Variants in KCTD13 observed in about 807,000 individuals in gnomAD.
The protein encoded by KCTD13 is potassium channel tetramerization domain containing 13.
In KCTD13, 15 loss-of-function variants were observed where a neutral mutation model predicts 32.3. That is an observed-to-expected ratio of 0.46 (90% confidence interval 0.31 to 0.71). The LOEUF (loss-of-function observed/expected upper bound fraction) is 0.71, where lower values mean the gene tolerates loss of function less well. Among genes scored for constraint, KCTD13 ranks in the 30% least tolerant of loss-of-function variants. KCTD13 has a pLI of 0.05. For synonymous variants in KCTD13, 189 were observed against 200.1 expected, an observed-to-expected ratio of 0.94 and a Z score of 0.47; for missense variants, 337 against 452.6, an observed-to-expected ratio of 0.74 and a Z score of 2.32.
chr16:29,906,740 T>C lies in KCTD13; in HGVS notation c.*132A>G. On this transcript the variant is annotated 3_prime_UTR_variant, in exon 6 of 6. Coordinates refer to ENST00000568000, the MANE Select transcript of KCTD13 (RefSeq NM_178863.5). ...GGTGGAGAAGGGCCAAAGTGAGCTGTGCCATGCAATGAAGGGACAGAGGAG... is the reference window on the plus strand; with the variant it reads ...GGTGGAGAAGGGCCAAAGTGAGCTGCGCCATGCAATGAAGGGACAGAGGAG... The C allele has an allele frequency of 1.4e-6, 1 of 730,442 alleles. No individual in the cohort carries two copies. Among genetic ancestry groups the C allele is most frequent in the Non-Finnish European group, 2.4e-6 (1 of 422,858 alleles). 45.2% of individuals were successfully genotyped at this position (730,442 alleles called of 1,614,324 possible).
chr16:29,908,190 C>T (rs2068646041), intron 5 of KCTD13, among the ~76,000 whole-genome samples: 1 of 151,964 alleles, frequency 6.6e-6, no homozygotes, highest in African/African-American at 2.4e-5. Context: ...GGGCCAGGGC[C>T]AGCGTGAGAG....
chr16:29,923,415 T>C, intron 1 of KCTD13, 56 bp from the exon 2 acceptor site: 5 of 1,509,526 alleles, frequency 3.3e-6, no homozygotes, highest in Non-Finnish European at 3.6e-6. Flanking sequence ...GACCTGGAGC[T>C]ACTAAATTAA....
At chr16:29,922,760 A>C (rs982199903) in intron 2 of KCTD13, 23 of 389,174 alleles carry the variant, frequency 5.9e-5, no homozygotes, top group Non-Finnish European at 9.1e-6. Flanking sequence ...GGCGGAAGCC[A>C]TGGGAGAATG....
chr16:29,910,566 C>A (rs1342042618), intron 5 of KCTD13, among the ~76,000 whole-genome samples: 2 of 151,986 alleles, frequency 1.3e-5, no homozygotes, highest in Non-Finnish European at 2.9e-5. Flanking sequence ...ACGATGTTGC[C>A]CAGGCTGGTC....
intron 1 of KCTD13, 38 bp downstream of exon 1, chr16:29,925,752 G>T (rs769126474): frequency 2.6e-6 from 4 of 1,562,524 alleles, no homozygotes; most frequent in Middle Eastern, 1.8e-4. Context: ...GGGAGTTGGG[G>T]GTCTGGGGTG....
chr16:29,923,586 G>C (rs1001839537), intron 1 of KCTD13, among the ~76,000 whole-genome samples: 2 of 152,152 alleles, frequency 1.3e-5, no homozygotes, highest in African/African-American at 4.8e-5. Flanking sequence ...TTCCAGCCAG[G>C]CGCGGTGGCT....
intron 1 of KCTD13, among the ~76,000 whole-genome samples, chr16:29,923,808 C>T (rs1279511218): frequency 1.3e-5 from 2 of 151,652 alleles, no homozygotes; most frequent in East Asian, 1.9e-4. Flanking sequence ...GAGCCGAGAT[C>T]GCGCCATTGC....
chr16:29,915,535 G>A lies in KCTD13; in HGVS notation c.415-3486C>T, dbSNP rs146526139. 4.0e-5 allele frequency among the ~76,000 whole-genome samples: 6 copies of A among 151,222 alleles called. No individual in the cohort carries two copies. In the East Asian group the frequency reaches 1.2e-3, roughly 29 times the overall value. On this transcript the variant is annotated intron_variant, in intron 2 of 5. Transcript: ENST00000568000. ...GGCGTGGTGGTGGGCACCTGTAATC[G>A]CAGCTACTCAGGAGGCTGAGACAGG...
Position 29,906,852 on chromosome 16 carries a change from G to T in KCTD13, c.*20C>A. 1 of 1,601,834 alleles carries T rather than the reference G, an allele frequency of 6.2e-7. No individual in the cohort carries two copies. The highest frequency in any genetic ancestry group is 1.3e-5 in the African/African-American group (1 of 74,824). Reference sequence around the variant, plus strand: ...GGACTGGGTCCCAAGGCAAGAGGAAGGCAGGGGGAGGGTCAGAGGTCAGTC... The same window carrying T: ...GGACTGGGTCCCAAGGCAAGAGGAATGCAGGGGGAGGGTCAGAGGTCAGTC... On this transcript the variant is annotated 3_prime_UTR_variant, in exon 6 of 6. Coordinates refer to ENST00000568000, the MANE Select transcript of KCTD13 (RefSeq NM_178863.5).
At position 29,906,713 on chromosome 16, in the gene KCTD13, T is replaced by C. The variant is rs1129700; in HGVS notation, c.*159A>G. The stretch of plus-strand genomic sequence containing the variant: ...CATGTTGTTAGCAATGGGGTTGGGA[T>C]GGGTGGAGAAGGGCCAAAGTGAGCT... On this transcript the variant is annotated 3_prime_UTR_variant, in exon 6 of 6. Transcript: ENST00000568000. 0.51 allele frequency: 349,175 copies of C among 685,202 alleles called. 91,461 individuals carry two copies. The highest frequency in any genetic ancestry group is 0.56 in the Non-Finnish European group (212,827 of 380,624). 42.4% of individuals were successfully genotyped at this position (685,202 alleles called of 1,614,324 possible).
intron 1 of KCTD13, 100 bp downstream of exon 1, chr16:29,925,690 G>C: frequency 8.5e-7 from 1 of 1,175,552 alleles, no homozygotes; most frequent in Non-Finnish European, 1.2e-6. Context: ...GGACAGTAGC[G>C]GGCAGAGAGA....
At position 29,911,168 on chromosome 16, in the gene KCTD13, G is replaced by A; in HGVS notation, c.563C>T (p.Ser188Leu). 2 of 1,613,862 alleles carry A rather than the reference G, an allele frequency of 1.2e-6. No individual in the cohort carries two copies. The highest frequency in any genetic ancestry group is 1.1e-5 in the South Asian group (1 of 91,070). Residue 188 changes from serine to leucine, a missense_variant, in exon 5 of 6, where the codon TCA becomes TTA. Around this residue, in one of 3 missense-constraint regions of KCTD13, gnomAD observed 252 missense variants for 340.2 expected, o/e 0.74. Coordinates refer to ENST00000568000, the MANE Select transcript of KCTD13 (RefSeq NM_178863.5). ...GATGTTCTTAAGTAGGTTGTCATCT[G>A]AAGTGCTGGGGACCAGGGGACCAGG... is the stretch of plus-strand genomic sequence containing the variant. ...SNNKYSYTST[S>L]DDNLLKNIEL...
chr16:29,923,378 G>C lies in KCTD13; in HGVS notation c.245-19C>G, dbSNP rs751403787. 1 of 1,608,376 alleles carries C rather than the reference G, an allele frequency of 6.2e-7. No homozygotes were observed. The highest frequency in any genetic ancestry group is 2.2e-5 in the East Asian group (1 of 44,772). ...ACCCAACCTAGTGGGGTGGGGAGAG[G>C]CAGGGGGAAAGATGGCTTTGCTGCG... is the stretch of plus-strand genomic sequence containing the variant. On this transcript the variant is annotated intron_variant, in intron 1 of 5. Coordinates refer to ENST00000568000, the MANE Select transcript of KCTD13 (RefSeq NM_178863.5).
intron 2 of KCTD13, chr16:29,921,979 A>G (rs2068922777): frequency 6.6e-6 from 1 of 152,158 alleles, no homozygotes; most frequent in South Asian, 2.1e-4. Context: ...AAAACAAAAC[A>G]AAAATGCTAC....
chr16:29,911,912 A>G (rs1391165004), intron 3 of KCTD13, 45 bp from the exon 4 acceptor site: 6 of 1,608,014 alleles, frequency 3.7e-6, no homozygotes, highest in Non-Finnish European at 5.1e-6. Flanking sequence ...GGCTGCAGGG[A>G]GAGGCCCCCC....
At chr16:29,922,795 C>A (rs1187244459) in intron 2 of KCTD13, 1 of 396,338 alleles carries the variant, frequency 2.5e-6, no homozygotes, top group Non-Finnish European at 4.4e-6. Context: ...AGGGCCAGAT[C>A]GCAGAGGTTA....
intron 2 of KCTD13, 98 bp downstream of exon 2, chr16:29,923,092 C>T (rs2068939696): frequency 7.5e-7 from 1 of 1,334,796 alleles, no homozygotes; most frequent in African/African-American, 1.5e-5. Context: ...CAAAGCCAGG[C>T]TCTCCAAGCC....
At position 29,911,093 on chromosome 16, in the gene KCTD13, AG is replaced by A; in HGVS notation, c.637del (p.Leu213SerfsTer52). 6.2e-7 allele frequency: 1 copy of A among 1,614,160 alleles called. No homozygotes were observed. The highest frequency in any genetic ancestry group is 8.5e-7 in the Non-Finnish European group (1 of 1,180,010). ...GATCTCGTCCCCCAGGACATCCTTGAGGAAGAGTAGCCGCCCGTGGAAGCGC... is the reference window on the plus strand; with the variant it reads ...GATCTCGTCCCCCAGGACATCCTTGAGAAGAGTAGCCGCCCGTGGAAGCGC... The part of the protein sequence containing the change: ...ALRFHGRLLF[L>X]KDVLGDEICC... On this transcript the variant is annotated frameshift_variant, in exon 5 of 6. Coordinates refer to ENST00000568000, the MANE Select transcript of KCTD13 (RefSeq NM_178863.5). LOFTEE classifies it high-confidence loss of function.
At position 29,911,890 on chromosome 16, in the gene KCTD13, C is replaced by T. The variant is rs759019564; in HGVS notation, c.505-23G>A. 59 of 1,611,356 alleles carry T rather than the reference C, an allele frequency of 3.7e-5. 1 individual carries two copies. Among genetic ancestry groups the T allele is most frequent in the South Asian group, 9.9e-5 (9 of 90,952 alleles). On this transcript the variant is annotated intron_variant, in intron 3 of 5. Transcript: ENST00000568000. The stretch of plus-strand genomic sequence containing the variant: ...GGGCTGGCGGGGGAGAGAGGATGGA[C>T]GAGAGGGGTGAGGCTGCAGGGAGAG...
Sources: gnomAD v4.1 joint callset for allele counts (sites outside exome capture counted in the v4.1 genomes callset) on GRCh38, gnomAD v4.1.1 for gene constraint, gnomAD v4.1.1 regional missense constraint, MANE v1.5 for transcripts, NCBI Gene and HGNC (gene_info 2026-07-23, HGNC 2026-07-21) for gene names.